ACVR1C: variants seen among roughly 807,000 people sequenced by gnomAD.
ACVR1C encodes the protein activin A receptor type 1C, also known as activin receptor type-1C.
In ACVR1C, 23 loss-of-function variants were observed where a neutral mutation model predicts 57.9. The ratio of observed to expected loss-of-function variants is 0.40; its 90% confidence interval spans 0.29 to 0.56. The LOEUF is 0.56. ACVR1C is among the 20% of genes least tolerant of loss of function. The pLI, the probability that ACVR1C is intolerant of heterozygous loss-of-function variation, is 0.50. For missense variants in ACVR1C, 480 were observed against 607.9 expected, an observed-to-expected ratio of 0.79 and a Z score of 2.21; for synonymous variants, 214 against 215.3, an observed-to-expected ratio of 0.99 and a Z score of 0.05.
At chr2:157,590,403 C>T (rs1689032989) in intron 1 of ACVR1C, among the ~76,000 whole-genome samples, 1 of 151,616 alleles carries the variant, frequency 6.6e-6, no homozygotes, top group Non-Finnish European at 1.5e-5. Flanking sequence ...GGTACTATTC[C>T]TATATAACTG....
chr2:157,628,479 G>T, intron 1 of ACVR1C, 93 bp downstream of exon 1: 3 of 1,414,402 alleles, frequency 2.1e-6, no homozygotes, highest in South Asian at 1.2e-5. Context: ...CAGTTTGCTC[G>T]GAGCACCCCC....
In ACVR1C at chr2:157,547,759, T is replaced by G. The variant is rs751346722; in HGVS notation, c.775+2403A>C. Among the ~76,000 whole-genome samples, 626 of 151,242 alleles carry G rather than the reference T, an allele frequency of 4.1e-3. 3 individuals are homozygous for G. Among genetic ancestry groups the G allele is most frequent in the Middle Eastern group, 0.024 (7 of 294 alleles). ...GTAGGCTGCGAAAATTTTCTCCCAT[T>G]TTGTAGGTTGCCTGTTCACTCTGAT... On this transcript the variant is annotated intron_variant, in intron 4 of 8. Coordinates refer to ENST00000243349, the MANE Select transcript of ACVR1C (RefSeq NM_145259.3).
intron 1 of ACVR1C, among the ~76,000 whole-genome samples, chr2:157,614,048 T>G (rs1267376034): frequency 6.6e-6 from 1 of 152,214 alleles, no homozygotes; most frequent in African/African-American, 2.4e-5. Flanking sequence ...TTTAATCTCT[T>G]TAGGACTATT....
intron 2 of ACVR1C, among the ~76,000 whole-genome samples, chr2:157,578,365 C>A (rs565579039): frequency 2.0e-5 from 3 of 152,166 alleles, no homozygotes; most frequent in Admixed American, 6.5e-5. Flanking sequence ...TTCTCCTAGA[C>A]AGAATAAGGT....
intron 1 of ACVR1C, among the ~76,000 whole-genome samples, chr2:157,590,956 G>C (rs2105260323): frequency 6.6e-6 from 1 of 151,964 alleles, no homozygotes; most frequent in East Asian, 1.9e-4. Flanking sequence ...TCATAGTGTT[G>C]TGGAGAATAA....
At chr2:157,595,867 C>G (rs1047197941) in intron 1 of ACVR1C, among the ~76,000 whole-genome samples, 1 of 152,184 alleles carries the variant, frequency 6.6e-6, no homozygotes, top group East Asian at 1.9e-4. Context: ...GGTCTCAGCT[C>G]AAATGTCACC....
In ACVR1C at chr2:157,545,345, C is replaced by T. The variant is rs557032959; in HGVS notation, c.776-733G>A. 1.1e-3 allele frequency among the ~76,000 whole-genome samples: 166 copies of T among 152,292 alleles called. 3 individuals carry two copies. The highest frequency in any genetic ancestry group is 0.01 in the South Asian group (49 of 4,812). ...ACTCAGGGAAAGGATCTATAATGAA[C>T]ATTTGCTAAGGACCTATCTGGCCAG... On this transcript the variant is annotated intron_variant, in intron 4 of 8. Transcript: ENST00000243349.
At chr2:157,588,878 TAC>T (rs1553484216) in intron 1 of ACVR1C, among the ~76,000 whole-genome samples, 3 of 139,944 alleles carry the variant, frequency 2.1e-5, no homozygotes, top group East Asian at 4.1e-4. Context: ...TATATATATA[TAC>T]GTGTGTGTGT....
intron 1 of ACVR1C, among the ~76,000 whole-genome samples, chr2:157,613,731 A>G (rs567560288): frequency 1.3e-5 from 2 of 152,290 alleles, no homozygotes; most frequent in Admixed American, 6.5e-5. Context: ...AAAATAATGT[A>G]TTATCCTGTT....
At chr2:157,627,481 TTCTC>T (rs1352390457) in intron 1 of ACVR1C, among the ~76,000 whole-genome samples, 2 of 152,218 alleles carry the variant, frequency 1.3e-5, no homozygotes, top group African/African-American at 2.4e-5. Flanking sequence ...TATTTAGTGA[TTCTC>T]TCAGGCCATC....
At chr2:157,555,257 T>TACAGGCGCC (rs1372762038) in intron 3 of ACVR1C, among the ~76,000 whole-genome samples, 1 of 151,162 alleles carries the variant, frequency 6.6e-6, no homozygotes, top group Non-Finnish European at 1.5e-5. Context: ...TAGCTGGGAC[T>TACAGGCGCC]ACAGGCGCCC....
At chr2:157,555,905 C>A (rs1321367724) in intron 3 of ACVR1C, among the ~76,000 whole-genome samples, 188 bp downstream of exon 3, 1 of 152,150 alleles carries the variant, frequency 6.6e-6, no homozygotes, top group East Asian at 1.9e-4. Flanking sequence ...ACTGAGAAGA[C>A]TTAATTCTAT....
chr2:157,628,143 G>C (rs1231268225), intron 1 of ACVR1C, among the ~76,000 whole-genome samples: 1 of 152,138 alleles, frequency 6.6e-6, no homozygotes, highest in South Asian at 2.1e-4. Flanking sequence ...CACCATCCTT[G>C]AGCAGCTCTC....
chr2:157,607,367 A>G (rs1682425724), intron 1 of ACVR1C, among the ~76,000 whole-genome samples: 1 of 150,982 alleles, frequency 6.6e-6, no homozygotes, highest in African/African-American at 2.4e-5. Flanking sequence ...TTTGGTCACT[A>G]TAGCCTTCCA....
intron 1 of ACVR1C, among the ~76,000 whole-genome samples, chr2:157,624,352 G>T (rs953367319): frequency 2.0e-5 from 3 of 152,110 alleles, no homozygotes; most frequent in Admixed American, 1.3e-4. Flanking sequence ...CTTATTTACG[G>T]CAAGAGATGC....
intron 3 of ACVR1C, among the ~76,000 whole-genome samples, chr2:157,554,196 G>GAAAGA (rs1553481309): frequency 5.1e-5 from 1 of 19,612 alleles, no homozygotes; most frequent in Admixed American, 8.2e-4. Context: ...AAAAAATAAA[G>GAAAGA]AAGAGAGAAA....
chr2:157,607,404 T>A (rs1682427683), intron 1 of ACVR1C, among the ~76,000 whole-genome samples: 1 of 151,610 alleles, frequency 6.6e-6, no homozygotes, highest in Admixed American at 6.6e-5. Flanking sequence ...GTTAGGATAA[T>A]GTCTCCAGCT....
chr2:157,582,332 A>G (rs1688811527), intron 2 of ACVR1C, among the ~76,000 whole-genome samples: 1 of 152,126 alleles, frequency 6.6e-6, no homozygotes, highest in African/African-American at 2.4e-5. Context: ...CTTGAGTTCA[A>G]TTAAATGTTC....
chr2:157,597,825 A>G (rs1682173273), intron 1 of ACVR1C, among the ~76,000 whole-genome samples: 1 of 152,194 alleles, frequency 6.6e-6, no homozygotes, highest in African/African-American at 2.4e-5. Flanking sequence ...ATTTGGAAAT[A>G]GTGGCCCTCC....
Sources: gnomAD v4.1 joint callset for allele counts (sites outside exome capture counted in the v4.1 genomes callset) on GRCh38, gnomAD v4.1.1 for gene constraint, MANE v1.5 for transcripts, NCBI Gene and HGNC (gene_info 2026-07-23, HGNC 2026-07-21) for gene names.